Variants in SDF2 observed in about 807,000 individuals in gnomAD.
SDF2 encodes stromal cell derived factor 2.
SDF2 carries 12 observed loss-of-function variants against 20.5 expected under a neutral mutation model. The ratio of observed to expected loss-of-function variants is 0.58; its 90% CI spans 0.37 to 0.95. The LOEUF is 0.95. Ranked by LOEUF, SDF2 falls within the 40% of genes least tolerant of loss-of-function variation. The pLI is 0.01. For missense variants in SDF2, 238 were observed against 263.1 expected (o/e 0.90, Z 0.66); for synonymous variants, 100 against 101.0 (o/e 0.99, Z 0.06).
intron 2 of SDF2, among the ~76,000 whole-genome samples, chr17:28,651,120 G>C (rs540804879): frequency 6.6e-6 from 1 of 152,266 alleles, no homozygotes; most frequent in Admixed American, 6.5e-5. Context: ...GCCCAGGCTG[G>C]AGTGCAATGG....
chr17:28,650,831 AC>A (rs2071908925), intron 2 of SDF2, among the ~76,000 whole-genome samples: 8 of 150,310 alleles, frequency 5.3e-5, no homozygotes, highest in African/African-American at 9.9e-5. Flanking sequence ...AAAAAAAAAA[AC>A]AGTTAGGGTA....
intron 1 of SDF2, 111 bp from the exon 2 acceptor site, chr17:28,655,594 G>T: frequency 3.4e-6 from 3 of 869,740 alleles, no homozygotes; most frequent in Non-Finnish European, 3.7e-6. Context: ...CCACCACCAT[G>T]ACCAAGGAAG....
chr17:28,648,980 C>CCT lies in SDF2; in HGVS notation c.*7_*8dup. ...ATTGTGCGTTAACAGTGGCTCAGAG[C>CCT]CTCTAGATTCACAGCTCTGCATGGT... On this transcript the variant is annotated 3_prime_UTR_variant, in exon 3 of 3. Coordinates refer to ENST00000247020, the MANE Select transcript of SDF2 (RefSeq NM_006923.4). 6.2e-7 allele frequency: 1 copy of CCT among 1,613,012 alleles called. No individual in the cohort carries two copies. Among genetic ancestry groups the CCT allele is most frequent in the Non-Finnish European group, 8.5e-7 (1 of 1,179,390 alleles).
In SDF2 at chr17:28,655,470, C is replaced by A. The variant is rs1189773288; in HGVS notation, c.165G>T (p.Gln55His). 4 of 1,600,074 alleles carry A rather than the reference C, an allele frequency of 2.5e-6. No homozygotes were observed. In the Admixed American group the frequency reaches 5.2e-5, roughly 21 times the overall value. ...DVRYGSGSGQ[Q>H]SVTGVTSVDD... The stretch of plus-strand genomic sequence containing the variant: ...CCACAGAGGTTACACCTGTCACTGA[C>A]TGCTGCCCACTACCTGCAGTTAAGA... Residue 55 changes from glutamine to histidine, a missense_variant, in exon 2 of 3, where the codon CAG becomes CAT. Coordinates refer to ENST00000247020, the MANE Select transcript of SDF2 (RefSeq NM_006923.4).
chr17:28,661,377 C>T (rs1297448102), intron 1 of SDF2, among the ~76,000 whole-genome samples: 10 of 152,202 alleles, frequency 6.6e-5, no homozygotes, highest in Non-Finnish European at 1.2e-4. Context: ...GGATAGAACC[C>T]CGACTTTGTC....
intron 2 of SDF2, among the ~76,000 whole-genome samples, chr17:28,653,800 ACTCTGT>A (rs1400638417): frequency 1.3e-5 from 2 of 152,170 alleles, no homozygotes; most frequent in Non-Finnish European, 2.9e-5. Context: ...ACAGAGCGAG[ACTCTGT>A]CTCAAAAAAC....
chr17:28,655,557 C>CG, intron 1 of SDF2, 74 bp from the exon 2 acceptor site: 1 of 1,334,224 alleles, frequency 7.5e-7, no homozygotes, highest in South Asian at 1.4e-5. Flanking sequence ...AGCTTGAGTG[C>CG]GCTCAAGATT....
intron 1 of SDF2, chr17:28,655,957 G>A (rs140807027): frequency 6.3e-6 from 1 of 158,706 alleles, no homozygotes; most frequent in East Asian, 1.9e-4. Context: ...CCAAGGATGT[G>A]ACTGTGTACT....
At chr17:28,661,557 C>A (rs1041931273) in intron 1 of SDF2, among the ~76,000 whole-genome samples, 169 bp downstream of exon 1, 2 of 152,138 alleles carry the variant, frequency 1.3e-5, no homozygotes, top group Non-Finnish European at 2.9e-5. Context: ...GGTGGTGTTG[C>A]GATTAAGATG....
In SDF2 at chr17:28,649,129, A is replaced by G. The variant is rs1166422173; in HGVS notation, c.496T>C (p.Tyr166His). Residue 166 changes from tyrosine to histidine, a missense_variant, in exon 3 of 3, where the codon TAT becomes CAT. Transcript: ENST00000247020. Reference protein sequence around the residue: ...EVLLSVTGEQYGRPISGQKEV... With the variant: ...EVLLSVTGEQHGRPISGQKEV... The stretch of plus-strand genomic sequence containing the variant: ...TTTTGCCCACTGATAGGTCGACCAT[A>G]TTGTTCTCCTGTGACAGACAGCAGT... 43 of 1,614,068 alleles carry G rather than the reference A, an allele frequency of 2.7e-5. No individual in the cohort carries two copies. The highest frequency in any genetic ancestry group is 3.6e-5 in the Non-Finnish European group (43 of 1,180,048).
intron 1 of SDF2, chr17:28,655,771 T>C (rs1427753413): frequency 8.6e-6 from 4 of 464,546 alleles, no homozygotes; most frequent in Non-Finnish European, 1.6e-5. Flanking sequence ...AGCCTATGTA[T>C]GTCAAGCTAG....
intron 1 of SDF2, chr17:28,655,798 C>T (rs1439140001): frequency 2.7e-5 from 10 of 367,714 alleles, no homozygotes; most frequent in Middle Eastern, 8.3e-4. Flanking sequence ...CCCTTTGTGC[C>T]GAACACCAAA....
chr17:28,654,587 G>A (rs1418340096), intron 2 of SDF2, among the ~76,000 whole-genome samples: 1 of 151,912 alleles, frequency 6.6e-6, no homozygotes, highest in South Asian at 2.1e-4. Flanking sequence ...AGGCAGAGGC[G>A]GGTGGATCAC....
At chr17:28,650,679 G>A (rs910095416) in intron 2 of SDF2, among the ~76,000 whole-genome samples, 2 of 151,534 alleles carry the variant, frequency 1.3e-5, no homozygotes, top group Non-Finnish European at 2.9e-5. Context: ...CCAGCTATTC[G>A]GGAGGCTGAA....
intron 1 of SDF2, chr17:28,655,704 C>T (rs774791032): frequency 1.7e-6 from 1 of 598,246 alleles, no homozygotes. Flanking sequence ...TGCAAAGCTG[C>T]CAAAGCCTTA....
chr17:28,656,914 A>C (rs773296937), intron 1 of SDF2, among the ~76,000 whole-genome samples: 10 of 152,184 alleles, frequency 6.6e-5, no homozygotes, highest in Admixed American at 6.5e-4. Flanking sequence ...CCCAACTCCC[A>C]TAAGTGGTCA....
chr17:28,659,282 G>A (rs1293336790), intron 1 of SDF2, among the ~76,000 whole-genome samples: 2 of 140,020 alleles, frequency 1.4e-5, no homozygotes, highest in African/African-American at 5.4e-5. Context: ...CCACTTCCCA[G>A]ACGGGGCAGC....
At chr17:28,650,142 G>C (rs1196189223) in intron 2 of SDF2, among the ~76,000 whole-genome samples, 1 of 151,626 alleles carries the variant, frequency 6.6e-6, no homozygotes, top group Non-Finnish European at 1.5e-5. Context: ...AGTAGAGACA[G>C]GGTTTCTCCA....
At chr17:28,662,072 C>T (rs2072059465), upstream of SDF2, 3 of 546,698 alleles carry the variant, frequency 5.5e-6, no homozygotes, top group Non-Finnish European at 9.4e-6. Context: ...TCCAGGGGCT[C>T]AGTGACAGCT....
Sources: gnomAD v4.1 joint callset for allele counts (sites outside exome capture counted in the v4.1 genomes callset) on GRCh38, gnomAD v4.1.1 for gene constraint, MANE v1.5 for transcripts, NCBI Gene and HGNC (gene_info 2026-07-23, HGNC 2026-07-21) for gene names.